Variants in SLC25A26 observed in about 807,000 individuals in gnomAD.
SLC25A26 encodes the protein solute carrier family 25 member 26, also known as mitochondrial S-adenosylmethionine carrier protein.
Under a neutral mutation model 37.8 loss-of-function variants are expected in SLC25A26, and 36 were observed. That is an observed-to-expected ratio of 0.95 (90% CI 0.73 to 1.26). The LOEUF is 1.26. SLC25A26 is among the 50% of genes most tolerant of loss of function. The pLI is 0.00. For missense variants in SLC25A26, 390 were observed against 331.1 expected (o/e 1.18, Z -1.38); for synonymous variants, 129 against 122.5 (o/e 1.05, Z -0.35).
intron 1 of SLC25A26, among the ~76,000 whole-genome samples, chr3:66,172,067 G>A (rs2070507663): frequency 6.6e-6 from 1 of 152,120 alleles, no homozygotes; most frequent in Admixed American, 6.5e-5. Context: ...TGGAGTATTT[G>A]TGAGGAATCT....
Position 66,370,572 on chromosome 3 carries a change from A to G in SLC25A26, c.677A>G (p.His226Arg), listed in dbSNP as rs142536729. ...TADGNVLSVL[H>R]GVWRSQGLAG... ...GATGGGAATGTGCTCTCTGTCCTGC[A>G]TGGGGTCTGGCGGTCACAGGGGCTG... Residue 226 changes from histidine (H) to arginine (R), a missense_variant, in exon 9 of 10, where the codon CAT becomes CGT. Coordinates refer to ENST00000354883, the MANE Select transcript of SLC25A26 (RefSeq NM_001379210.1). The G allele has an allele frequency of 7.9e-5, 128 of 1,613,918 alleles. No individual in the cohort carries two copies. The East Asian group carries it at 2.4e-3, about 30-fold the overall frequency.
intron 1 of SLC25A26, among the ~76,000 whole-genome samples, chr3:66,209,856 A>G (rs2071252773): frequency 8.3e-6 from 1 of 120,286 alleles, no homozygotes; most frequent in Non-Finnish European, 1.7e-5. Flanking sequence ...AGAGGTGTGT[A>G]TACACACACA....
At chr3:66,371,100 C>T in intron 9 of SLC25A26, 1 of 1,393,886 alleles carries the variant, frequency 7.2e-7, no homozygotes, top group South Asian at 1.8e-5. Context: ...GTCCTAAAAG[C>T]TCTCTCTGCA....
At chr3:66,231,188 T>C (rs1048994518) in intron 1 of SLC25A26, among the ~76,000 whole-genome samples, 2 of 152,076 alleles carry the variant, frequency 1.3e-5, no homozygotes, top group African/African-American at 4.8e-5. Context: ...AAATAAATTG[T>C]TTCAGGACGT....
intron 1 of SLC25A26, among the ~76,000 whole-genome samples, chr3:66,157,912 C>T (rs1340976969): frequency 6.6e-6 from 1 of 152,192 alleles, no homozygotes; most frequent in African/African-American, 2.4e-5. Flanking sequence ...TAAACAACCT[C>T]TGATTTCAGG....
chr3:66,242,665 A>G (rs1388980888), intron 2 of SLC25A26, among the ~76,000 whole-genome samples: 1 of 105,666 alleles, frequency 9.5e-6, no homozygotes, highest in African/African-American at 2.7e-5. Context: ...GTAGCTTTTT[A>G]GAGGTTTTTA....
At chr3:66,246,872 TTTTG>T (rs1315428425) in intron 3 of SLC25A26, among the ~76,000 whole-genome samples, 1 of 152,192 alleles carries the variant, frequency 6.6e-6, no homozygotes, top group African/African-American at 2.4e-5. Context: ...TTTGTTTTTA[TTTTG>T]TTTAAGACGG....
Position 66,315,898 on chromosome 3 carries a change from G to A in SLC25A26, c.454-30466G>A, listed in dbSNP as rs576861437. ...TTTTTGTCTTTTTTAATGTTTGTTG[G>A]TTTAAAGTCTGTTTTGTCAGAGACT... On this transcript the variant is annotated intron_variant, in intron 5 of 9. Coordinates refer to ENST00000354883, the MANE Select transcript of SLC25A26 (RefSeq NM_001379210.1). 2.6e-5 allele frequency among the ~76,000 whole-genome samples: 4 copies of A among 152,148 alleles called. No homozygotes were observed. In the South Asian group the frequency reaches 8.3e-4, roughly 32 times the overall value.
chr3:66,248,155 G>T (rs9864120), intron 3 of SLC25A26, among the ~76,000 whole-genome samples: 2 of 152,162 alleles, frequency 1.3e-5, no homozygotes, highest in African/African-American at 4.8e-5. Context: ...AAAGAACAGT[G>T]CCAAAATAAT....
chr3:66,208,662 G>GTA (rs1199617173), intron 1 of SLC25A26, among the ~76,000 whole-genome samples: 27,994 of 118,112 alleles, frequency 0.24, 4,649 homozygotes, highest in African/African-American at 0.33. Flanking sequence ...CTTTATATGG[G>GTA]TATATATATA....
At chr3:66,280,312 A>G (rs941736620) in intron 5 of SLC25A26, among the ~76,000 whole-genome samples, 1 of 152,058 alleles carries the variant, frequency 6.6e-6, no homozygotes, top group African/African-American at 2.4e-5. Flanking sequence ...TTTCATATAT[A>G]TTTTTTTCAT....
chr3:66,298,792 GC>G (rs1425964194), intron 5 of SLC25A26, among the ~76,000 whole-genome samples: 1 of 152,184 alleles, frequency 6.6e-6, no homozygotes, highest in African/African-American at 2.4e-5. Flanking sequence ...TGTCAAGAAA[GC>G]ATTACAGGAT....
chr3:66,316,600 T>A (rs1033449971), intron 5 of SLC25A26, among the ~76,000 whole-genome samples: 2 of 152,060 alleles, frequency 1.3e-5, no homozygotes, highest in Non-Finnish European at 2.9e-5. Context: ...TGTCTTGGGG[T>A]TGATATTCTC....
At position 66,371,136 on chromosome 3, in the gene SLC25A26, T is replaced by A. The variant is rs1175835041; in HGVS notation, c.707+534T>A. ...AGATTAAAACATTGCTTTGACACCATAAACTTGTGAAGCCGCCTGAATGTT... is the reference window on the plus strand; with the variant it reads ...AGATTAAAACATTGCTTTGACACCAAAAACTTGTGAAGCCGCCTGAATGTT... On this transcript the variant is annotated intron_variant, in intron 9 of 9. Transcript: ENST00000354883. 4.9e-6 allele frequency: 7 copies of A among 1,427,478 alleles called. No individual in the cohort carries two copies. The African/African-American group carries it at 8.7e-5, about 18-fold the overall frequency. 88.4% of individuals were successfully genotyped at this position (1,427,478 alleles called of 1,614,324 possible).
Position 66,377,857 on chromosome 3 carries a change from G to A in SLC25A26, c.*50G>A, listed in dbSNP as rs755459735. On this transcript the variant is annotated 3_prime_UTR_variant, in exon 10 of 10. Coordinates refer to ENST00000354883, the MANE Select transcript of SLC25A26 (RefSeq NM_001379210.1). ...TTCTGTCAAGAGAGGGGCCTGCAGT[G>A]CAAACCCTCTTCCGCTGAGCAGCTG... 3 of 1,381,274 alleles carry A rather than the reference G, an allele frequency of 2.2e-6. No homozygotes were observed. The highest frequency in any genetic ancestry group is 1.7e-5 in the Admixed American group (1 of 59,276). The allele number at this position is 1,381,274 out of a possible 1,614,324, so 85.6% of individuals were successfully genotyped here. A position where few individuals can be genotyped will look rare whatever the true frequency, so the allele number is the denominator to read the frequency against.
chr3:66,281,647 A>G (rs533287307), intron 5 of SLC25A26, among the ~76,000 whole-genome samples: 2 of 152,250 alleles, frequency 1.3e-5, no homozygotes, highest in Non-Finnish European at 2.9e-5. Flanking sequence ...AAGGGATTTT[A>G]CTATATTCAT....
intron 5 of SLC25A26, among the ~76,000 whole-genome samples, chr3:66,266,798 A>T (rs2073770586): frequency 6.6e-6 from 1 of 152,124 alleles, no homozygotes. Flanking sequence ...CTGCAGTAAG[A>T]TGAAAGTGGG....
intron 5 of SLC25A26, among the ~76,000 whole-genome samples, chr3:66,305,326 C>T (rs991681610): frequency 6.6e-6 from 1 of 152,118 alleles, no homozygotes; most frequent in Non-Finnish European, 1.5e-5. Flanking sequence ...TAAGGTGTTT[C>T]TCTAAGAGTA....
intron 1 of SLC25A26, among the ~76,000 whole-genome samples, chr3:66,138,099 G>T (rs921618773): frequency 6.6e-6 from 1 of 152,154 alleles, no homozygotes. Context: ...CTCCCAAAGT[G>T]CTGGGATTAC....
Sources: gnomAD v4.1 joint callset for allele counts (sites outside exome capture counted in the v4.1 genomes callset) on GRCh38, gnomAD v4.1.1 for gene constraint, MANE v1.5 for transcripts, NCBI Gene and HGNC (gene_info 2026-07-23, HGNC 2026-07-21) for gene names.